Variants in SP140 observed in about 807,000 individuals in gnomAD.
SP140 encodes the protein nuclear body protein SP140.
SP140 carries 81 observed loss-of-function variants against 125.0 expected under a neutral mutation model. The ratio of observed to expected loss-of-function variants is 0.65; its 90% CI spans 0.54 to 0.78. The LOEUF is 0.78. Ranked by LOEUF, SP140 falls within the 30% of genes least tolerant of loss-of-function variation. The pLI, the probability that SP140 is intolerant of heterozygous loss-of-function variation, is 0.00. For missense variants in SP140, 858 were observed against 1,037.0 expected (o/e 0.83, Z 2.37); for synonymous variants, 312 against 354.0 (o/e 0.88, Z 1.33).
In SP140 at chr2:230,309,909, T is replaced by G. The variant is rs372253546; in HGVS notation, c.2059-15T>G. On this transcript the variant is annotated splice_polypyrimidine_tract_variant and intron_variant, in intron 22 of 26. Transcript: ENST00000392045. ...TTGCGGTTCCCAGTGACGTGGACAC[T>G]GTTTTATCTTCTAGATGAGAAACCT... 455 of 1,613,090 alleles carry G rather than the reference T, an allele frequency of 2.8e-4. No homozygotes were observed. Among genetic ancestry groups the G allele is most frequent in the Middle Eastern group, 2.3e-3 (12 of 5,302 alleles).
At chr2:230,238,138 T>C (rs1244662116) in intron 2 of SP140, 75 bp from the exon 3 acceptor site, 2 of 1,012,572 alleles carry the variant, frequency 2.0e-6, no homozygotes, top group Non-Finnish European at 2.9e-6. Context: ...AGAACAGATG[T>C]TCTATCTACA....
At chr2:230,290,341 AG>A in intron 18 of SP140, 118 bp from the exon 19 acceptor site, 1 of 887,714 alleles carries the variant, frequency 1.1e-6, no homozygotes, top group Non-Finnish European at 1.8e-6. Flanking sequence ...TTGAAACTCT[AG>A]AGGGTTTTGG....
chr2:230,209,224 C>G (rs1404819664), intron 1 of SP140, among the ~76,000 whole-genome samples: 3 of 152,084 alleles, frequency 2.0e-5, no homozygotes, highest in African/African-American at 7.2e-5. Context: ...GGGTCTATAG[C>G]TTGCCTTTGG....
upstream of SP140, chr2:230,225,520 A>G: frequency 2.4e-6 from 1 of 408,562 alleles, no homozygotes; most frequent in Non-Finnish European, 4.6e-6. Context: ...CTTCCTCCTC[A>G]TGATGCCACC....
At chr2:230,216,664 A>G in intron 3 of SP140, 1 of 1,221,568 alleles carries the variant, frequency 8.2e-7, no homozygotes, top group East Asian at 2.3e-5. Context: ...GATAATGAAC[A>G]TGCCTGGGCT....
intron 14 of SP140, 58 bp downstream of exon 14, chr2:230,270,011 A>G: frequency 9.1e-7 from 1 of 1,096,962 alleles, no homozygotes. Context: ...ACAGACCCCC[A>G]GTAGGGTGGA....
intron 22 of SP140, among the ~76,000 whole-genome samples, chr2:230,299,706 C>G (rs1262745279): frequency 6.6e-6 from 1 of 152,144 alleles, no homozygotes; most frequent in Non-Finnish European, 1.5e-5. Flanking sequence ...GTGCTTCTTC[C>G]TGGGGCAAGA....
intron 22 of SP140, among the ~76,000 whole-genome samples, chr2:230,305,831 C>T (rs1263878157): frequency 6.6e-6 from 1 of 152,248 alleles, no homozygotes; most frequent in East Asian, 1.9e-4. Flanking sequence ...AAAGGGCCGC[C>T]AGAGGCCGTG....
the SP140 span, among the ~76,000 whole-genome samples, chr2:230,190,413 T>G: frequency 1.2e-4 from 18 of 152,212 alleles, no homozygotes; most frequent in African/African-American, 4.1e-4. Flanking sequence ...GTTTGTTTTT[T>G]TCTTGTAAAT....
the SP140 span, among the ~76,000 whole-genome samples, chr2:230,196,458 A>C: frequency 7.9e-5 from 12 of 152,258 alleles, no homozygotes; most frequent in South Asian, 1.0e-3. Flanking sequence ...TAAAAAGAAA[A>C]ATGTATGCAT....
intron 19 of SP140, 50 bp downstream of exon 19, chr2:230,290,614 C>T (rs756529556): frequency 4.2e-6 from 6 of 1,416,366 alleles, no homozygotes; most frequent in African/African-American, 1.4e-5. Flanking sequence ...GAAGGCATCA[C>T]AAGTAGTGGG....
intron 18 of SP140, among the ~76,000 whole-genome samples, chr2:230,289,196 A>C (rs1472861716): frequency 6.6e-6 from 1 of 152,064 alleles, no homozygotes. Flanking sequence ...TGTGGTTTTG[A>C]TTTGCATTTC....
chr2:230,274,057 G>C (rs2054342619), intron 15 of SP140, among the ~76,000 whole-genome samples: 1 of 151,396 alleles, frequency 6.6e-6, no homozygotes. Context: ...AAACACCCAT[G>C]ACACATGTTT....
intron 15 of SP140, among the ~76,000 whole-genome samples, chr2:230,283,222 A>T (rs115610254): frequency 6.6e-6 from 1 of 152,280 alleles, no homozygotes; most frequent in East Asian, 1.9e-4. Flanking sequence ...TGAAAGACAG[A>T]TATCACCAAT....
chr2:230,305,883 G>C (rs1451616024), intron 22 of SP140, among the ~76,000 whole-genome samples: 2 of 152,370 alleles, frequency 1.3e-5, no homozygotes, highest in African/African-American at 4.8e-5. Context: ...GCTGTGCCTG[G>C]TGCTTTCAGC....
upstream of SP140, among the ~76,000 whole-genome samples, chr2:230,198,171 G>A (rs1041733917): frequency 6.8e-6 from 1 of 146,498 alleles, no homozygotes; most frequent in Non-Finnish European, 1.5e-5. Context: ...CTATGTGGTA[G>A]GTCATGCTGC....
At chr2:230,256,894 A>G (rs1455365115) in intron 12 of SP140, among the ~76,000 whole-genome samples, 3 of 152,214 alleles carry the variant, frequency 2.0e-5, no homozygotes, top group Non-Finnish European at 4.4e-5. Flanking sequence ...GTGGTTTTTC[A>G]GAGTACTCTG....
chr2:230,263,540 G>T (rs1327427571), intron 12 of SP140, among the ~76,000 whole-genome samples: 3 of 151,934 alleles, frequency 2.0e-5, no homozygotes, highest in Admixed American at 1.3e-4. Flanking sequence ...TTTTTAACTT[G>T]TATTTTATTT....
At chr2:230,289,263 T>C (rs528575936) in intron 18 of SP140, among the ~76,000 whole-genome samples, 1 of 152,374 alleles carries the variant, frequency 6.6e-6, no homozygotes, top group South Asian at 2.1e-4. Flanking sequence ...ATAAGTGTCT[T>C]CTTTTAAGAA....
Sources: allele counts gnomAD v4.1 joint callset (sites outside exome capture counted in the v4.1 genomes callset), GRCh38; gene constraint gnomAD v4.1.1; transcripts MANE v1.5; gene names NCBI Gene and HGNC (gene_info 2026-07-23, HGNC 2026-07-21).